The following LIMK2 variants were observed in gnomAD, a reference collection of about 807,000 sequenced individuals.
The protein encoded by LIMK2 is LIM domain kinase 2.
A neutral mutation model predicts 75.7 loss-of-function variants in LIMK2; 35 were observed. The observed-to-expected ratio is 0.46, with a 90% CI of 0.35 to 0.61. The LOEUF (loss-of-function observed/expected upper bound fraction) is 0.61, where lower values mean the gene tolerates loss of function less well. Among genes scored for constraint, LIMK2 ranks in the 20% least tolerant of loss-of-function variants. The pLI, the probability that LIMK2 is intolerant of heterozygous loss-of-function variation, is 0.00. For missense variants in LIMK2, 623 were observed against 831.0 expected (o/e 0.75, Z 3.08); for synonymous variants, 301 against 319.2 (o/e 0.94, Z 0.61).
intron 7 of LIMK2, among the ~76,000 whole-genome samples, chr22:31,265,639 A>G (rs1402552446): frequency 2.0e-5 from 3 of 152,206 alleles, no homozygotes; most frequent in African/African-American, 4.8e-5. Flanking sequence ...ATGGTGAATT[A>G]CCATCTACAG....
Position 31,272,717 on chromosome 22 carries a change from G to A in LIMK2, c.1558+13G>A. On this transcript the variant is annotated intron_variant, in intron 13 of 15. Coordinates refer to ENST00000331728, the MANE Select transcript of LIMK2 (RefSeq NM_005569.4). ...GAGATGCTGAACGGTGAGTCCTGAAGCCCTGGAGGGGACACCCGCAGAGGG... is the reference window on the plus strand; with the variant it reads ...GAGATGCTGAACGGTGAGTCCTGAAACCCTGGAGGGGACACCCGCAGAGGG... 1 of 1,577,738 alleles carries A rather than the reference G, an allele frequency of 6.3e-7. No individual in the cohort carries two copies. Among genetic ancestry groups the A allele is most frequent in the Non-Finnish European group, 8.6e-7 (1 of 1,161,706 alleles).
intron 15 of LIMK2, chr22:31,277,082 C>G: frequency 1.2e-6 from 2 of 1,614,000 alleles, no homozygotes; most frequent in Non-Finnish European, 1.7e-6. Context: ...GCCTTCATCT[C>G]TGGCCTGCTG....
At chr22:31,277,305 A>C (rs2049040230) in intron 15 of LIMK2, 1 of 1,448,648 alleles carries the variant, frequency 6.9e-7, no homozygotes, top group Admixed American at 2.9e-5. Context: ...TCAGTTTTCC[A>C]CTTTTGGATT....
chr22:31,237,378 AC>A lies in LIMK2; in HGVS notation c.116+11560del, dbSNP rs1303931161. On this transcript the variant is annotated intron_variant, in intron 2 of 15. Transcript: ENST00000331728. ...CAGGAGTTCCAGACCAGCCTGGCCA[AC>A]ATGGTGAAACCTTGTCTCTACTAAA... is the stretch of plus-strand genomic sequence containing the variant. Among the ~76,000 whole-genome samples, 9 of 151,918 alleles carry A rather than the reference AC, an allele frequency of 5.9e-5. No individual in the cohort carries two copies. In the East Asian group the frequency reaches 1.7e-3, roughly 29 times the overall value.
At chr22:31,234,339 A>G in intron 2 of LIMK2, among the ~76,000 whole-genome samples, 1 of 149,678 alleles carries the variant, frequency 6.7e-6, no homozygotes, top group Admixed American at 6.6e-5. Flanking sequence ...AAAAAAAAAA[A>G]ACAAAAAAAA....
At chr22:31,251,635 G>A (rs956716766) in intron 2 of LIMK2, among the ~76,000 whole-genome samples, 2 of 152,170 alleles carry the variant, frequency 1.3e-5, no homozygotes, top group Non-Finnish European at 2.9e-5. Context: ...CTTGCTGTTC[G>A]TAGGCTTCAT....
At chr22:31,236,744 T>A (rs2048579134) in intron 2 of LIMK2, among the ~76,000 whole-genome samples, 2 of 149,276 alleles carry the variant, frequency 1.3e-5, no homozygotes, top group Admixed American at 1.3e-4. Context: ...TGAAACCCCA[T>A]CTCAACTGAA....
intron 7 of LIMK2, among the ~76,000 whole-genome samples, chr22:31,263,468 G>A (rs969070250): frequency 6.6e-6 from 1 of 152,180 alleles, no homozygotes; most frequent in African/African-American, 2.4e-5. Context: ...GATTAAATGT[G>A]GAAAAGGACA....
intron 7 of LIMK2, among the ~76,000 whole-genome samples, chr22:31,263,474 G>A (rs974255206): frequency 2.0e-5 from 3 of 152,150 alleles, no homozygotes; most frequent in Non-Finnish European, 2.9e-5. Context: ...ATGTGGAAAA[G>A]GACATAAAGT....
At chr22:31,266,518 C>T (rs1241920908) in intron 8 of LIMK2, among the ~76,000 whole-genome samples, 1 of 152,314 alleles carries the variant, frequency 6.6e-6, no homozygotes, top group Non-Finnish European at 1.5e-5. Context: ...TCCTCCTCCT[C>T]CTCTTCTGCT....
intron 2 of LIMK2, among the ~76,000 whole-genome samples, chr22:31,233,262 G>C (rs764567036): frequency 5.9e-5 from 9 of 152,154 alleles, no homozygotes; most frequent in Non-Finnish European, 1.0e-4. Context: ...TCAAAAAGTT[G>C]TTAACATTAA....
rs184085136 is a variant in LIMK2 at position 31,261,275 on chromosome 22, C to T, written c.552-859C>T. Among the ~76,000 whole-genome samples, 33 of 151,696 alleles carry T rather than the reference C, an allele frequency of 2.2e-4. No individual in the cohort carries two copies. The East Asian group carries it at 5.7e-3, about 26-fold the overall frequency. Reference sequence around the variant, plus strand: ...CAAGAGTTTGGGATTAGGCCAGGCGCAGTGGCTCACGCCTGTAATCCCAGC... The same window carrying T: ...CAAGAGTTTGGGATTAGGCCAGGCGTAGTGGCTCACGCCTGTAATCCCAGC... On this transcript the variant is annotated intron_variant, in intron 5 of 15. Transcript: ENST00000331728.
intron 1 of LIMK2, among the ~76,000 whole-genome samples, chr22:31,213,817 C>CTTTTTTT (rs71689139): frequency 1.1e-4 from 16 of 145,332 alleles, no homozygotes; most frequent in Non-Finnish European, 1.0e-4. Context: ...TTTCCAGTAA[C>CTTTTTTT]TTTTTTTTTT....
chr22:31,233,967 C>T (rs548739287), intron 2 of LIMK2, among the ~76,000 whole-genome samples: 1 of 152,248 alleles, frequency 6.6e-6, no homozygotes, highest in East Asian at 1.9e-4. Context: ...ACTCTGCACC[C>T]CCTAATCTGT....
At chr22:31,216,541 G>A (rs2048390013) in intron 1 of LIMK2, among the ~76,000 whole-genome samples, 1 of 152,140 alleles carries the variant, frequency 6.6e-6, no homozygotes, top group African/African-American at 2.4e-5. Context: ...GGTATAGTGG[G>A]CCCTGAGATG....
At chr22:31,276,988 G>A in intron 15 of LIMK2, 1 of 1,613,936 alleles carries the variant, frequency 6.2e-7, no homozygotes, top group Non-Finnish European at 8.5e-7. Context: ...GATTGACGTG[G>A]ATGAGCTCCT....
At chr22:31,246,831 C>A (rs1396340162) in intron 2 of LIMK2, among the ~76,000 whole-genome samples, 1 of 151,546 alleles carries the variant, frequency 6.6e-6, no homozygotes, top group Non-Finnish European at 1.5e-5. Context: ...AGTGACATAA[C>A]CCCTCAGAAC....
chr22:31,272,493 T>A, intron 12 of LIMK2, 37 bp from the exon 13 acceptor site: 1 of 1,566,400 alleles, frequency 6.4e-7, no homozygotes, highest in Non-Finnish European at 8.7e-7. Flanking sequence ...TTTGAGAACA[T>A]CCCCATGAAG....
chr22:31,251,587 G>T (rs1050261100), intron 2 of LIMK2, among the ~76,000 whole-genome samples: 1 of 152,152 alleles, frequency 6.6e-6, no homozygotes, highest in African/African-American at 2.4e-5. Flanking sequence ...CTGGTTTTTG[G>T]TTGGAACTGA....
Sources: allele counts gnomAD v4.1 joint callset (sites outside exome capture counted in the v4.1 genomes callset), GRCh38; gene constraint gnomAD v4.1.1; transcripts MANE v1.5; gene names NCBI Gene and HGNC (gene_info 2026-07-23, HGNC 2026-07-21).